CYP2A7: variants seen among roughly 807,000 people sequenced by gnomAD.
CYP2A7 encodes cytochrome P450 2A7.
In CYP2A7, 36 loss-of-function variants were observed where a neutral mutation model predicts 42.0. That is an observed-to-expected ratio of 0.86 (90% CI 0.66 to 1.13). The LOEUF (loss-of-function observed/expected upper bound fraction) is 1.13. Ranked by LOEUF, CYP2A7 falls within the 50% of genes most tolerant of loss-of-function variation. CYP2A7 has a pLI of 0.00. For synonymous variants in CYP2A7, 260 were observed against 249.5 expected, an observed-to-expected ratio of 1.04 and a Z score of -0.40; for missense variants, 661 against 634.1, an observed-to-expected ratio of 1.04 and a Z score of -0.46.
chr19:40,880,975 GAGAA>G (rs1967668884), intron 2 of CYP2A7, among the ~76,000 whole-genome samples: 1 of 151,082 alleles, frequency 6.6e-6, no homozygotes, highest in Non-Finnish European at 1.5e-5. Flanking sequence ...GAAGTGGGGA[GAGAA>G]AGAGAGAGAT....
Position 40,880,040 on chromosome 19 carries a change from C to G in CYP2A7, c.654+44G>C, listed in dbSNP as rs1234785015. ...TGTCTCCAGGTAGGGGAGCAGTTGGCAGGTTGTGGTAGGGGCGTCACGGGC... is the reference window on the plus strand; with the variant it reads ...TGTCTCCAGGTAGGGGAGCAGTTGGGAGGTTGTGGTAGGGGCGTCACGGGC... On this transcript the variant is annotated intron_variant, in intron 4 of 8. Transcript: ENST00000301146. The G allele has an allele frequency of 2.5e-6, 4 of 1,603,246 alleles. 1 individual carries two copies. The highest frequency in any genetic ancestry group is 8.5e-7 in the Non-Finnish European group (1 of 1,172,688).
intron 2 of CYP2A7, 59 bp downstream of exon 2, chr19:40,881,530 G>A (rs1967686979): frequency 8.1e-6 from 13 of 1,605,034 alleles, no homozygotes; most frequent in South Asian, 2.2e-5. Flanking sequence ...GAGAAGGCTG[G>A]CAACACTGAG....
At chr19:40,877,516 G>A (rs113594185) in intron 6 of CYP2A7, 139 bp from the exon 7 acceptor site, 83,767 of 1,320,216 alleles carry the variant, frequency 0.063, 3,853 homozygotes, top group African/African-American at 0.085. Context: ...AACAGACATC[G>A]GCCATTCGCA....
chr19:40,881,112 G>T (rs1184996627), intron 2 of CYP2A7, among the ~76,000 whole-genome samples: 1 of 151,600 alleles, frequency 6.6e-6, no homozygotes. Flanking sequence ...CAGAAACAGA[G>T]AGGGTCTGGA....
intron 3 of CYP2A7, 50 bp from the exon 4 acceptor site, chr19:40,880,294 T>C: frequency 1.3e-6 from 2 of 1,598,712 alleles, no homozygotes; most frequent in Non-Finnish European, 1.7e-6. Flanking sequence ...AACTCAGAGG[T>C]CTGAGGAGAA....
At chr19:40,880,651 G>A (rs754879347) in intron 2 of CYP2A7, 23 bp from the exon 3 acceptor site, 2 of 1,589,540 alleles carry the variant, frequency 1.3e-6, no homozygotes, top group Non-Finnish European at 1.7e-6. Context: ...AGGCGGGGGT[G>A]GAGAGAGGTC....
In CYP2A7 at chr19:40,875,783, G is replaced by A. The variant is rs1967515459; in HGVS notation, c.1395C>T (p.Ser465=). The A allele has an allele frequency of 3.7e-6, 6 of 1,602,612 alleles. No homozygotes were observed. Among genetic ancestry groups the A allele is most frequent in the African/African-American group, 2.7e-5 (2 of 74,318 alleles). The change falls in exon 9 of 9, where the codon TCC becomes TCT. Residue 465 remains serine (S), a synonymous_variant. Coordinates refer to ENST00000301146, the MANE Select transcript of CYP2A7 (RefSeq NM_000764.3). ...ACACGTCAATGTCCTTAGGTGACTGGGAGGACTTGAGGCGGAAGTTCTGCA... is the reference window on the plus strand; with the variant it reads ...ACACGTCAATGTCCTTAGGTGACTGAGAGGACTTGAGGCGGAAGTTCTGCA... ...TVMQNFRLKS[S]QSPKDIDVSP... is the part of the protein sequence containing the mutation.
intron 4 of CYP2A7, among the ~76,000 whole-genome samples, chr19:40,879,264 G>C (rs1303070061): frequency 2.6e-5 from 4 of 151,604 alleles, no homozygotes; most frequent in African/African-American, 9.7e-5. Flanking sequence ...CAGGTGTTTA[G>C]CTCTTCAGGT....
Position 40,880,220 on chromosome 19 carries a change from A to G in CYP2A7, c.518T>C (p.Phe173Ser). The G allele has an allele frequency of 6.2e-7, 1 of 1,612,802 alleles. No homozygotes were observed. The highest frequency in any genetic ancestry group is 8.5e-7 in the Non-Finnish European group (1 of 1,179,172). ...GACATTGGAGACTGTGCGGCTCAGG[A>G]AGAAGGTGGGATCGATATTGGCGCC... ...THGANIDPTFFLSRTVSNVIS... is the reference protein window; with the variant it reads ...THGANIDPTFSLSRTVSNVIS... The change falls in exon 4 of 9, where the codon TTC (phenylalanine) becomes TCC (serine). Residue 173 changes from phenylalanine to serine, a missense_variant. Coordinates refer to ENST00000301146, the MANE Select transcript of CYP2A7 (RefSeq NM_000764.3).
chr19:40,880,018 C>G, intron 4 of CYP2A7, 66 bp downstream of exon 4: 1 of 1,591,690 alleles, frequency 6.3e-7, no homozygotes, highest in Non-Finnish European at 8.6e-7. Context: ...GGGCACCTGT[C>G]TCCAGGTAGG....
rs200525410 is a variant in CYP2A7 at position 40,875,766 on chromosome 19, A to C, written c.1412T>G (p.Ile471Ser). ...RLKSSQSPKDIDVSPKHVVFA... is the reference protein window; with the variant it reads ...RLKSSQSPKDSDVSPKHVVFA... ...GACCACGTGTTTGGGGGACACGTCA[A>C]TGTCCTTAGGTGACTGGGAGGACTT... is the stretch of plus-strand genomic sequence containing the variant. Residue 471 changes from isoleucine to serine, a missense_variant, in exon 9 of 9, where the codon ATT (isoleucine) becomes AGT (serine). Physicochemically the swap from Ile to Ser is moderately radical, Grantham distance 142 (BLOSUM62 -2). Coordinates refer to ENST00000301146, the MANE Select transcript of CYP2A7 (RefSeq NM_000764.3). The C allele has an allele frequency of 6.2e-7, 1 of 1,605,998 alleles. No individual in the cohort carries two copies. Among genetic ancestry groups the C allele is most frequent in the Non-Finnish European group, 8.5e-7 (1 of 1,175,312 alleles).
At chr19:40,877,604 C>G (rs1039559100) in intron 6 of CYP2A7, among the ~76,000 whole-genome samples, 1 of 151,316 alleles carries the variant, frequency 6.6e-6, no homozygotes, top group Non-Finnish European at 1.5e-5. Context: ...GGAGATGACC[C>G]GGGGGAAGGG....
At position 40,882,087 on chromosome 19, in the gene CYP2A7, A is replaced by C. The variant is rs1210388324; in HGVS notation, c.124T>G (p.Phe42Val). Residue 42 changes from phenylalanine (F) to valine (V), a missense_variant, in exon 1 of 9, where the codon TTC (phenylalanine) becomes GTC (valine). Phe to Val is a conservative substitution (Grantham distance 50, BLOSUM62 -1). Coordinates refer to ENST00000301146, the MANE Select transcript of CYP2A7 (RefSeq NM_000764.3). ...KLPPGPTPLP[F>V]IGNYLQLNTE... ...TTCAGCTGGAGGTAGTTTCCAATGA[A>C]GGGCAGTGGGGTGGGTCCCGGAGGC... The C allele has an allele frequency of 6.2e-7, 1 of 1,613,812 alleles. No individual in the cohort carries two copies.
Position 40,882,188 on chromosome 19 carries a change from A to G in CYP2A7, c.23T>C (p.Leu8Pro). MLASGLL[L>P]VALLACLTVM... ...AGTCAGGCAGGCCAGCAAGGCCACC[A>G]GAAGCAGCCCTGAGGCCAGCATGGT... is the stretch of plus-strand genomic sequence containing the variant. Residue 8 changes from leucine (L) to proline (P), a missense_variant, in exon 1 of 9, where the codon CTG becomes CCG. Physicochemically the swap from Leu to Pro is moderately conservative, Grantham distance 98. Around this residue, in one of 3 missense-constraint regions of CYP2A7, gnomAD observed 614 missense variants for 552.4 expected, o/e 1.11. Coordinates refer to ENST00000301146, the MANE Select transcript of CYP2A7 (RefSeq NM_000764.3). 6.2e-7 allele frequency: 1 copy of G among 1,613,962 alleles called. No individual in the cohort carries two copies. Among genetic ancestry groups the G allele is most frequent in the Non-Finnish European group, 8.5e-7 (1 of 1,179,824 alleles).
intron 2 of CYP2A7, 108 bp from the exon 3 acceptor site, chr19:40,880,736 G>T (rs1967647539): frequency 8.7e-7 from 1 of 1,154,296 alleles, no homozygotes; most frequent in African/African-American, 1.8e-5. Flanking sequence ...AGTGGGGTGG[G>T]AGAGAGATGG....
In CYP2A7 at chr19:40,880,127, A is replaced by G. The variant is rs752692737; in HGVS notation, c.611T>C (p.Met204Thr). ...EDKEFLSLLSMMLGIFQFTST... is the reference protein window; with the variant it reads ...EDKEFLSLLSTMLGIFQFTST... ...CGTGAACTGGAAGATTCCTAGCATC[A>G]TGCTCAGCAGTGACAGGAACTCTTT... The change falls in exon 4 of 9, where the codon ATG becomes ACG. Residue 204 changes from methionine (M) to threonine (T), a missense_variant. By Grantham distance (81) the Met-to-Thr change is moderately conservative (BLOSUM62 -1). Transcript: ENST00000301146. The G allele has an allele frequency of 2.4e-5, 38 of 1,612,878 alleles. 1 individual carries two copies. Among genetic ancestry groups the G allele is most frequent in the Non-Finnish European group, 3.1e-5 (37 of 1,179,244 alleles).
rs117244518 is a variant in CYP2A7, at chr19:40,877,944, C to A, written c.881G>T (p.Ser294Ile). 3.1e-6 allele frequency: 5 copies of A among 1,612,618 alleles called. No individual in the cohort carries two copies. The South Asian group carries it at 5.5e-5, about 18-fold the overall frequency. ...TEFYLKNLMM[S>I]TLNLFIAGTE... ...GCCTGCAATGAAGAGGTTCAACGTG[C>A]TCATCATCAGGTTCTTCAAGTAGAA... is the stretch of plus-strand genomic sequence containing the variant. The change falls in exon 6 of 9, where the codon AGC (serine) becomes ATC (isoleucine). Residue 294 changes from serine (S) to isoleucine (I), a missense_variant. Coordinates refer to ENST00000301146, the MANE Select transcript of CYP2A7 (RefSeq NM_000764.3).
rs142733902 is a variant in CYP2A7 at position 40,881,673 on chromosome 19, C to T, written c.259G>A (p.Val87Ile). The change falls in exon 2 of 9, where the codon GTC (valine) becomes ATC (isoleucine). Residue 87 changes from valine to isoleucine, a missense_variant. Coordinates refer to ENST00000301146, the MANE Select transcript of CYP2A7 (RefSeq NM_000764.3). ...RVVVLCGHDA[V>I]REALVDQAEE... ...GCCTGGTCCACCAGAGCCTCCCTGA[C>T]GGCATCATGTCCACACAGCACCACG... 4.8e-4 allele frequency: 771 copies of T among 1,613,386 alleles called. 4 individuals carry two copies. In the African/African-American group the frequency reaches 6.1e-3, roughly 13 times the overall value.
At chr19:40,878,334 T>C (rs1384543327) in intron 5 of CYP2A7, among the ~76,000 whole-genome samples, 1 of 151,658 alleles carries the variant, frequency 6.6e-6, no homozygotes, top group Non-Finnish European at 1.5e-5. Context: ...GCCTCCTGAG[T>C]AGCTGGAACT....
Sources: gnomAD v4.1 joint callset for allele counts (sites outside exome capture counted in the v4.1 genomes callset) on GRCh38, gnomAD v4.1.1 for gene constraint, gnomAD v4.1.1 regional missense constraint, MANE v1.5 for transcripts, NCBI Gene and HGNC (gene_info 2026-07-23, HGNC 2026-07-21) for gene names.